ARFIP1: variants seen among roughly 807,000 people sequenced by gnomAD.
The protein encoded by ARFIP1 is arfaptin-1.
ARFIP1 carries 24 observed loss-of-function variants against 42.5 expected under a neutral mutation model. That is an observed-to-expected ratio of 0.57 (90% confidence interval 0.41 to 0.80). ARFIP1 has a LOEUF of 0.80. Ranked by LOEUF, ARFIP1 falls within the 30% of genes least tolerant of loss-of-function variation. The pLI, the probability that ARFIP1 is intolerant of heterozygous loss-of-function variation, is 0.00. For missense variants in ARFIP1, 354 were observed against 434.0 expected (o/e 0.82, Z 1.64); for synonymous variants, 141 against 153.7 (o/e 0.92, Z 0.61).
intron 4 of ARFIP1, 22 bp from the exon 5 acceptor site, chr4:152,872,427 GTTT>G (rs749178240): frequency 1.4e-6 from 2 of 1,460,920 alleles, no homozygotes; most frequent in Admixed American, 3.5e-5. Context: ...TCTGGATTGT[GTTT>G]TTATCTTTTG....
intron 2 of ARFIP1, among the ~76,000 whole-genome samples, chr4:152,859,909 A>C (rs1733748671): frequency 6.6e-6 from 1 of 151,458 alleles, no homozygotes; most frequent in African/African-American, 2.4e-5. Context: ...GCATGCTCTA[A>C]TATAATTAAG....
At chr4:152,841,644 T>C (rs912789185) in intron 2 of ARFIP1, among the ~76,000 whole-genome samples, 7 of 152,190 alleles carry the variant, frequency 4.6e-5, no homozygotes, top group African/African-American at 1.7e-4. Flanking sequence ...CCTTCATATA[T>C]GATACTTAGT....
At chr4:152,838,523 A>T (rs1171099662) in intron 2 of ARFIP1, among the ~76,000 whole-genome samples, 1 of 150,522 alleles carries the variant, frequency 6.6e-6, no homozygotes. Context: ...GTATTTTTTT[A>T]TTATTATTTT....
chr4:152,871,071 A>G (rs1393759544), intron 4 of ARFIP1, among the ~76,000 whole-genome samples: 3 of 152,216 alleles, frequency 2.0e-5, no homozygotes, highest in African/African-American at 7.2e-5. Context: ...AACTTAATCC[A>G]TTTTAAAATT....
chr4:152,884,862 T>C (rs564871588), intron 7 of ARFIP1, among the ~76,000 whole-genome samples: 1 of 152,134 alleles, frequency 6.6e-6, no homozygotes, highest in South Asian at 2.1e-4. Flanking sequence ...TAAAATACAG[T>C]ATATAGGTTC....
rs1731165920 is a variant in ARFIP1 at position 152,830,319 on chromosome 4, G to A, written c.93+593G>A. Among the ~76,000 whole-genome samples the A allele has an allele frequency of 2.0e-5, 3 of 151,984 alleles. No homozygotes were observed. In the South Asian group the frequency reaches 6.3e-4, roughly 32 times the overall value. On this transcript the variant is annotated intron_variant, in intron 2 of 8. Coordinates refer to ENST00000353617, the MANE Select transcript of ARFIP1 (RefSeq NM_001025595.3). ...GCCAGTTATTTATTTAATCTCTTCAGGTTTTTGTTTTCTAATCTCTACAAT... is the reference window on the plus strand; with the variant it reads ...GCCAGTTATTTATTTAATCTCTTCAAGTTTTTGTTTTCTAATCTCTACAAT...
At chr4:152,882,960 A>C in intron 7 of ARFIP1, 80 bp downstream of exon 7, 1 of 1,444,918 alleles carries the variant, frequency 6.9e-7, no homozygotes. Flanking sequence ...CAAACAACAG[A>C]AACCAACTCT....
At chr4:152,876,406 T>C (rs1396921649) in intron 5 of ARFIP1, among the ~76,000 whole-genome samples, 1 of 152,210 alleles carries the variant, frequency 6.6e-6, no homozygotes. Flanking sequence ...ACCCTAGAGA[T>C]TTGTGGAACT....
intron 1 of ARFIP1, among the ~76,000 whole-genome samples, chr4:152,825,750 A>C (rs1389489278): frequency 6.6e-6 from 1 of 152,186 alleles, no homozygotes; most frequent in Non-Finnish European, 1.5e-5. Context: ...TAAACAGACA[A>C]CCTACAGAAT....
intron 8 of ARFIP1, among the ~76,000 whole-genome samples, chr4:152,908,191 GT>G (rs1738529376): frequency 6.6e-6 from 1 of 152,102 alleles, no homozygotes; most frequent in African/African-American, 2.4e-5. Context: ...TAATTGGGCT[GT>G]TTTTGGTTTC....
At chr4:152,866,984 C>T (rs368408830) in intron 3 of ARFIP1, among the ~76,000 whole-genome samples, 42 of 148,976 alleles carry the variant, frequency 2.8e-4, no homozygotes, top group Admixed American at 2.3e-3. Flanking sequence ...GGATGGCGGC[C>T]GGGCAGAGAC....
In ARFIP1 at chr4:152,888,156, C is replaced by A; in HGVS notation, c.815C>A (p.Thr272Asn). 6.2e-7 allele frequency: 1 copy of A among 1,609,214 alleles called. No individual in the cohort carries two copies. The highest frequency in any genetic ancestry group is 8.5e-7 in the Non-Finnish European group (1 of 1,178,212). ...AGGATTGAATATGATGCATATCGCA[C>A]TGATTTGGAAGAACTGAATCTTGGA... ...SARIEYDAYRTDLEELNLGPR... is the reference protein window; with the variant it reads ...SARIEYDAYRNDLEELNLGPR... Residue 272 changes from threonine to asparagine, a missense_variant, in exon 8 of 9, where the codon ACT becomes AAT. Thr to Asn is a moderately conservative substitution (Grantham distance 65, BLOSUM62 0). Transcript: ENST00000353617.
At chr4:152,903,199 T>C (rs1159076468) in intron 8 of ARFIP1, among the ~76,000 whole-genome samples, 1 of 152,182 alleles carries the variant, frequency 6.6e-6, no homozygotes, top group Non-Finnish European at 1.5e-5. Flanking sequence ...GAAAATCTTC[T>C]AAGTTTTTAA....
At chr4:152,780,729 A>G (rs1024136954) in intron 1 of ARFIP1, among the ~76,000 whole-genome samples, 2 of 152,150 alleles carry the variant, frequency 1.3e-5, no homozygotes, top group African/African-American at 4.8e-5. Context: ...AAGCCTGACT[A>G]AGGAATGCTG....
intron 1 of ARFIP1, among the ~76,000 whole-genome samples, chr4:152,807,036 G>T (rs559055293): frequency 1.3e-5 from 2 of 152,104 alleles, no homozygotes; most frequent in South Asian, 4.2e-4. Context: ...AGAGCATCTC[G>T]CTATGTTGCC....
chr4:152,785,030 C>T (rs1040454809), intron 1 of ARFIP1, among the ~76,000 whole-genome samples: 6 of 152,098 alleles, frequency 3.9e-5, no homozygotes, highest in Non-Finnish European at 7.4e-5. Context: ...TTTCTGCTAG[C>T]CTGAGATACT....
chr4:152,857,752 C>T (rs1733558157), intron 2 of ARFIP1, among the ~76,000 whole-genome samples: 2 of 152,342 alleles, frequency 1.3e-5, no homozygotes, highest in South Asian at 4.1e-4. Flanking sequence ...ATCTGTCACT[C>T]TCTATCCCTC....
chr4:152,796,549 G>A (rs774262461), intron 1 of ARFIP1: 5 of 780,742 alleles, frequency 6.4e-6, no homozygotes, highest in African/African-American at 1.7e-5. Flanking sequence ...ACTTTAGCTC[G>A]AGATTGTCTC....
At chr4:152,894,325 CTT>C (rs1353254589) in intron 8 of ARFIP1, among the ~76,000 whole-genome samples, 3 of 152,024 alleles carry the variant, frequency 2.0e-5, no homozygotes, top group Non-Finnish European at 4.4e-5. Context: ...TAAAACTTCT[CTT>C]TGAGAGGAAA....
Sources: gnomAD v4.1 joint callset for allele counts (sites outside exome capture counted in the v4.1 genomes callset) on GRCh38, gnomAD v4.1.1 for gene constraint, MANE v1.5 for transcripts, NCBI Gene and HGNC (gene_info 2026-07-23, HGNC 2026-07-21) for gene names.